HEATR4: variants seen among roughly 807,000 people sequenced by gnomAD.
HEATR4 encodes HEAT repeat containing 4, also known as HEAT repeat-containing protein 4.
A neutral mutation model predicts 108.8 loss-of-function variants in HEATR4; 95 were observed. The observed-to-expected ratio is 0.87, with a 90% CI of 0.74 to 1.04. The LOEUF (loss-of-function observed/expected upper bound fraction) is 1.04. Among genes scored for constraint, HEATR4 ranks in the 50% least tolerant of loss-of-function variants. The pLI is 0.00. For missense variants in HEATR4, 1,152 were observed against 1,253.8 expected (o/e 0.92, Z 1.23); for synonymous variants, 443 against 459.4 (o/e 0.96, Z 0.46).
At chr14:73,598,695 C>G in the HEATR4 span, among the ~76,000 whole-genome samples, 2 of 151,950 alleles carry the variant, frequency 1.3e-5, no homozygotes, top group Non-Finnish European at 2.9e-5. Flanking sequence ...GGTGAAACCC[C>G]ATCTCTACTA....
rs890253545 is a variant in HEATR4 at position 73,479,125 on chromosome 14, GTTTT to G, written c.2845-287_2845-284del. Among the ~76,000 whole-genome samples, 4 of 144,302 alleles carry G rather than the reference GTTTT, an allele frequency of 2.8e-5. 1 individual carries two copies. Among genetic ancestry groups the G allele is most frequent in the African/African-American group, 1.0e-4 (4 of 38,878 alleles). The allele number at this position is 144,302 out of a possible 152,430, so 94.7% of individuals were successfully genotyped here. A position where few individuals can be genotyped will look rare whatever the true frequency, so the allele number is the denominator to read the frequency against. ...AGCTAATTTTTTTGTTTGTTTGTTTGTTTTTTTTGAGACGGAGTCTCACACTCTC... is the reference window on the plus strand; with the variant it reads ...AGCTAATTTTTTTGTTTGTTTGTTTGTTTTGAGACGGAGTCTCACACTCTC... On this transcript the variant is annotated intron_variant, in intron 17 of 17. Coordinates refer to ENST00000553558, the MANE Select transcript of HEATR4 (RefSeq NM_001220484.1).
the HEATR4 span, among the ~76,000 whole-genome samples, chr14:73,622,918 T>A: frequency 2.2e-5 from 3 of 137,538 alleles, no homozygotes; most frequent in African/African-American, 7.5e-5. Context: ...TTAGTTTTTG[T>A]TTTTTTTTGA....
At chr14:73,520,485 A>G (rs139065610) in intron 4 of HEATR4, 363 of 172,278 alleles carry the variant, frequency 2.1e-3, no homozygotes, top group African/African-American at 8.2e-3. Context: ...TTTTTCCAAC[A>G]TAGCACCTTG....
At chr14:73,615,035 G>A in the HEATR4 span, among the ~76,000 whole-genome samples, 1 of 147,190 alleles carries the variant, frequency 6.8e-6, no homozygotes, top group South Asian at 2.1e-4. Flanking sequence ...GTTGCAGTGA[G>A]CCAAGATCGC....
Position 73,523,204 on chromosome 14 carries a change from C to A in HEATR4, c.-52G>T. 2 of 1,493,824 alleles carry A rather than the reference C, an allele frequency of 1.3e-6. No individual in the cohort carries two copies. The highest frequency in any genetic ancestry group is 1.8e-6 in the Non-Finnish European group (2 of 1,124,416). The allele number at this position is 1,493,824 out of a possible 1,614,324, so 92.5% of individuals were successfully genotyped here. The stretch of plus-strand genomic sequence containing the variant: ...CACACTGCCTGGCCTAGAGGAAAGG[C>A]CTGGAGATGAGACCTGGCACCTGTT... On this transcript the variant is annotated 5_prime_UTR_variant, in exon 3 of 18. Coordinates refer to ENST00000553558, the MANE Select transcript of HEATR4 (RefSeq NM_001220484.1).
intron 7 of HEATR4, among the ~76,000 whole-genome samples, chr14:73,510,904 G>A (rs1163819558): frequency 6.6e-6 from 1 of 152,196 alleles, no homozygotes; most frequent in Non-Finnish European, 1.5e-5. Flanking sequence ...CCTGTTATAA[G>A]TTACAGTATC....
chr14:73,591,664 A>T, the HEATR4 span: 5 of 353,580 alleles, frequency 1.4e-5, no homozygotes, highest in Admixed American at 9.4e-5. Flanking sequence ...CATTCCAACA[A>T]CCGAGGGTGG....
intron 14 of HEATR4, 111 bp from the exon 15 acceptor site, chr14:73,496,790 A>T: frequency 3.0e-6 from 2 of 671,648 alleles, no homozygotes; most frequent in South Asian, 3.5e-5. Flanking sequence ...TCCAATCCTA[A>T]CTGTGCAGTT....
intron 5 of HEATR4, among the ~76,000 whole-genome samples, chr14:73,515,456 G>A (rs575423520): frequency 2.0e-5 from 3 of 152,004 alleles, no homozygotes; most frequent in African/African-American, 7.2e-5. Context: ...AAAGCGGGTG[G>A]ATCACTTGAG....
the HEATR4 span, among the ~76,000 whole-genome samples, chr14:73,623,573 G>A: frequency 6.6e-6 from 1 of 152,150 alleles, no homozygotes; most frequent in African/African-American, 2.4e-5. Context: ...TGTAGTCCCA[G>A]CTACTTGGGA....
rs142541534 is a variant in HEATR4 at position 73,551,365 on chromosome 14, T to C, written c.-152+7386A>G. On this transcript the variant is annotated intron_variant, in intron 1 of 17. Transcript: ENST00000553558. Reference sequence around the variant, plus strand: ...AATGTCAGGTGGTGGTTGACAGTTATCACGTTGCCTCTCTAAACTGAAAAT... The same window carrying C: ...AATGTCAGGTGGTGGTTGACAGTTACCACGTTGCCTCTCTAAACTGAAAAT... 8.5e-4 allele frequency among the ~76,000 whole-genome samples: 97 copies of C among 114,654 alleles called. 22 individuals are homozygous for C. The highest frequency in any genetic ancestry group is 2.3e-3 in the African/African-American group (82 of 35,380). 75.2% of individuals were successfully genotyped at this position (114,654 alleles called of 152,430 possible).
At chr14:73,531,610 T>C (rs1213030051) in intron 1 of HEATR4, among the ~76,000 whole-genome samples, 1 of 107,820 alleles carries the variant, frequency 9.3e-6, no homozygotes, top group Non-Finnish European at 2.0e-5. Context: ...GGTTTCACCA[T>C]ATTGGCCAGG....
At chr14:73,573,885 C>T in the HEATR4 span, among the ~76,000 whole-genome samples, 1 of 152,002 alleles carries the variant, frequency 6.6e-6, no homozygotes, top group Admixed American at 6.6e-5. Context: ...TGCCACCATG[C>T]TTGGCTAATT....
At chr14:73,566,609 G>T in the HEATR4 span, among the ~76,000 whole-genome samples, 1 of 152,178 alleles carries the variant, frequency 6.6e-6, no homozygotes, top group African/African-American at 2.4e-5. Flanking sequence ...GGGCTGGCAG[G>T]GCCAGCTGGC....
the HEATR4 span, among the ~76,000 whole-genome samples, chr14:73,606,530 C>T: frequency 2.0e-5 from 3 of 152,240 alleles, no homozygotes; most frequent in East Asian, 5.8e-4. Context: ...CTAGCAGTGG[C>T]CAAGGTGAAC....
intron 3 of HEATR4, 27 bp from the exon 4 acceptor site, chr14:73,521,066 A>G (rs1042847819): frequency 1.7e-5 from 27 of 1,597,756 alleles, no homozygotes; most frequent in Non-Finnish European, 2.3e-5. Flanking sequence ...AAGGAGGGAA[A>G]AGGGGGAAAG....
At chr14:73,493,196 C>A in intron 16 of HEATR4, 72 bp from the exon 17 acceptor site, 1 of 1,205,930 alleles carries the variant, frequency 8.3e-7, no homozygotes, top group Non-Finnish European at 1.2e-6. Flanking sequence ...TTCAGAGCAC[C>A]AACTTCATCA....
the HEATR4 span, chr14:73,619,810 A>T: frequency 6.2e-7 from 1 of 1,607,754 alleles, no homozygotes; most frequent in Non-Finnish European, 8.5e-7. Context: ...TCTCAATGGT[A>T]AAAAATCTGT....
intron 6 of HEATR4, 140 bp from the exon 7 acceptor site, chr14:73,512,289 G>A: frequency 2.2e-6 from 2 of 924,444 alleles, no homozygotes; most frequent in Non-Finnish European, 1.6e-6. Context: ...AGGGCCCAGA[G>A]ATGGGGTCTT....
Sources: allele counts gnomAD v4.1 joint callset (sites outside exome capture counted in the v4.1 genomes callset), GRCh38; gene constraint gnomAD v4.1.1; transcripts MANE v1.5; gene names NCBI Gene and HGNC (gene_info 2026-07-23, HGNC 2026-07-21).